PPP1R16B: variants seen among roughly 807,000 people sequenced by gnomAD.
PPP1R16B encodes protein phosphatase 1 regulatory inhibitor subunit 16B.
Under a neutral mutation model 61.7 loss-of-function variants are expected in PPP1R16B, and 14 were observed. That is an observed-to-expected ratio of 0.23 (90% CI 0.15 to 0.35). The LOEUF (loss-of-function observed/expected upper bound fraction) is 0.35, where lower values mean the gene tolerates loss of function less well. Ranked by LOEUF, PPP1R16B falls within the 10% of genes least tolerant of loss-of-function variation. PPP1R16B has a pLI of 1.00. For missense variants in PPP1R16B, 547 were observed against 752.5 expected (o/e 0.73, Z 3.19); for synonymous variants, 266 against 305.3 (o/e 0.87, Z 1.34).
chr20:38,826,504 A>G (rs1171869213), intron 1 of PPP1R16B, among the ~76,000 whole-genome samples: 1 of 152,186 alleles, frequency 6.6e-6, no homozygotes, highest in Non-Finnish European at 1.5e-5. Context: ...ATGGAAGACC[A>G]GTGTGTTCAT....
At chr20:38,892,805 A>G (rs933149430) in intron 3 of PPP1R16B, among the ~76,000 whole-genome samples, 13 of 152,210 alleles carry the variant, frequency 8.5e-5, no homozygotes, top group African/African-American at 2.4e-4. Context: ...GGAGCTTGCT[A>G]GCTAGAAAAG....
rs2085452229 is a variant in PPP1R16B at position 38,907,337 on chromosome 20, GGAT to G, written c.898+285_898+287del. 6.7e-6 allele frequency among the ~76,000 whole-genome samples: 1 copy of G among 150,044 alleles called. No individual in the cohort carries two copies. The highest frequency in any genetic ancestry group is 2.5e-5 in the African/African-American group (1 of 39,510). On this transcript the variant is annotated intron_variant, in intron 8 of 10. Coordinates refer to ENST00000299824, the MANE Select transcript of PPP1R16B (RefSeq NM_015568.4). The surrounding 1 kb of genome is among the most constrained non-coding windows in gnomAD (Gnocchi z 4.5). ...TGGATGGATGGATGGATGGATGGATGGATGGATGGATAGACAGAAAAATAAGTG... is the reference window on the plus strand; with the variant it reads ...TGGATGGATGGATGGATGGATGGATGGGATGGATAGACAGAAAAATAAGTG...
At chr20:38,832,614 G>A (rs1217012231) in intron 1 of PPP1R16B, among the ~76,000 whole-genome samples, 2 of 152,174 alleles carry the variant, frequency 1.3e-5, no homozygotes, top group African/African-American at 2.4e-5. Context: ...CAGTTGGGCA[G>A]TTTTCTTTTA....
At chr20:38,829,805 G>A (rs560447849) in intron 1 of PPP1R16B, among the ~76,000 whole-genome samples, 8 of 152,214 alleles carry the variant, frequency 5.3e-5, no homozygotes, top group Non-Finnish European at 8.8e-5. Context: ...TTTCTCAGAC[G>A]GGGGTGGGAG....
At chr20:38,808,886 A>G (rs981627423) in intron 1 of PPP1R16B, among the ~76,000 whole-genome samples, 5 of 152,060 alleles carry the variant, frequency 3.3e-5, no homozygotes, top group African/African-American at 1.2e-4. Context: ...TACAAAAATT[A>G]GTGCAGCATG....
chr20:38,888,267 A>G (rs2085261685), intron 2 of PPP1R16B, among the ~76,000 whole-genome samples: 1 of 152,146 alleles, frequency 6.6e-6, no homozygotes, highest in Non-Finnish European at 1.5e-5. Flanking sequence ...GGGCCAGCCT[A>G]TGTATCCTGT....
chr20:38,855,974 AG>A (rs2085005096), intron 2 of PPP1R16B, among the ~76,000 whole-genome samples: 2 of 120,666 alleles, frequency 1.7e-5, no homozygotes, highest in East Asian at 2.6e-4. Context: ...AGAGAGAGAG[AG>A]AGAGAGAAGG....
intron 2 of PPP1R16B, among the ~76,000 whole-genome samples, chr20:38,855,860 G>A (rs1039321469): frequency 5.6e-5 from 8 of 141,812 alleles, no homozygotes; most frequent in Middle Eastern, 3.8e-3. Flanking sequence ...GCAGGACATC[G>A]CATCTGTAAA....
At position 38,918,737 on chromosome 20, in the gene PPP1R16B, G is replaced by A. The variant is rs575554820; in HGVS notation, c.*71G>A. On this transcript the variant is annotated 3_prime_UTR_variant, in exon 11 of 11. Coordinates refer to ENST00000299824, the MANE Select transcript of PPP1R16B (RefSeq NM_015568.4). This position sits in a 1 kb window ranked among gnomAD's most constrained non-coding sequence, Gnocchi z 5.3. ...AATCCAGGCCAGCCCAACAGCCCTG[G>A]CTGGGGAGGTGTCAGGGCAGCTGGG... 18 of 1,442,896 alleles carry A rather than the reference G, an allele frequency of 1.2e-5. No homozygotes were observed. Among genetic ancestry groups the A allele is most frequent in the South Asian group, 1.5e-5 (1 of 65,984 alleles). 89.4% of individuals were successfully genotyped at this position (1,442,896 alleles called of 1,614,324 possible).
chr20:38,854,777 C>T lies in PPP1R16B; in HGVS notation c.250+18602C>T, dbSNP rs75279371. On this transcript the variant is annotated intron_variant, in intron 2 of 10. Transcript: ENST00000299824. ...GGAAATAAAGGATAGACAGTGGACA[C>T]GGTCAGTTTGGCTGTTACTATCATC... 3.4e-3 allele frequency among the ~76,000 whole-genome samples: 514 copies of T among 152,242 alleles called. 5 individuals are homozygous for T. Among genetic ancestry groups the T allele is most frequent in the East Asian group, 0.019 (99 of 5,184 alleles).
intron 2 of PPP1R16B, among the ~76,000 whole-genome samples, chr20:38,878,851 A>C (rs73114239): frequency 3.3e-5 from 5 of 152,056 alleles, no homozygotes; most frequent in Non-Finnish European, 5.9e-5. Context: ...TATAAAGTAA[A>C]TGGACTATTT....
At position 38,856,521 on chromosome 20, in the gene PPP1R16B, G is replaced by T. The variant is rs545546880; in HGVS notation, c.250+20346G>T. Among the ~76,000 whole-genome samples, 33 of 152,212 alleles carry T rather than the reference G, an allele frequency of 2.2e-4. 1 individual carries two copies. In the East Asian group the frequency reaches 6.0e-3, roughly 28 times the overall value. On this transcript the variant is annotated intron_variant, in intron 2 of 10. Coordinates refer to ENST00000299824, the MANE Select transcript of PPP1R16B (RefSeq NM_015568.4). ...GTGAGTTTATTTCCTTGAGGGAGGG[G>T]CTCTCTCTTCTCTCAGCCCCTCAAA...
rs920534345 is a variant in PPP1R16B, at chr20:38,844,869, C to G, written c.250+8694C>G. 2.0e-5 allele frequency among the ~76,000 whole-genome samples: 3 copies of G among 152,118 alleles called. No homozygotes were observed. The East Asian group carries it at 5.8e-4, about 29-fold the overall frequency. ...TGAAAATTATTTTGATGTTTTAATA[C>G]CCTGAAAGAGTCTAGAGACCACTTT... On this transcript the variant is annotated intron_variant, in intron 2 of 10. Coordinates refer to ENST00000299824, the MANE Select transcript of PPP1R16B (RefSeq NM_015568.4).
intron 2 of PPP1R16B, among the ~76,000 whole-genome samples, chr20:38,872,471 A>C (rs1446874120): frequency 6.6e-6 from 1 of 152,176 alleles, no homozygotes; most frequent in African/African-American, 2.4e-5. Flanking sequence ...TTAGAGAGGA[A>C]GCTGGAGACA....
At chr20:38,897,857 T>C (rs1420459653) in intron 4 of PPP1R16B, among the ~76,000 whole-genome samples, 1 of 152,242 alleles carries the variant, frequency 6.6e-6, no homozygotes, top group Non-Finnish European at 1.5e-5. Context: ...ATGAGTGACG[T>C]TGAGCATCTT....
intron 1 of PPP1R16B, among the ~76,000 whole-genome samples, chr20:38,833,226 C>G (rs1416950813): frequency 6.6e-6 from 1 of 152,162 alleles, no homozygotes; most frequent in African/African-American, 2.4e-5. Context: ...CTATCTGATT[C>G]TATTTATATA....
At chr20:38,911,227 C>A (rs929797938) in intron 10 of PPP1R16B, among the ~76,000 whole-genome samples, 1 of 144,872 alleles carries the variant, frequency 6.9e-6, no homozygotes, top group African/African-American at 2.6e-5. Flanking sequence ...AGTGCATTGG[C>A]GCGATCTCGG....
At chr20:38,888,746 T>G (rs977696635) in intron 2 of PPP1R16B, among the ~76,000 whole-genome samples, 6 of 151,924 alleles carry the variant, frequency 3.9e-5, no homozygotes, top group African/African-American at 1.5e-4. Context: ...AATTGGGGCT[T>G]GAATGGTGGT....
intron 2 of PPP1R16B, among the ~76,000 whole-genome samples, chr20:38,886,625 A>C (rs2085247234): frequency 6.6e-6 from 1 of 152,098 alleles, no homozygotes. Flanking sequence ...CTTTGCCATA[A>C]TCTCCTACAT....
Sources: allele counts gnomAD v4.1 joint callset (sites outside exome capture counted in the v4.1 genomes callset), GRCh38; gene constraint gnomAD v4.1.1; non-coding constraint Gnocchi (gnomAD v3.1); transcripts MANE v1.5; gene names NCBI Gene and HGNC (gene_info 2026-07-23, HGNC 2026-07-21).